ACSS3: variants seen among roughly 807,000 people sequenced by gnomAD.
ACSS3 encodes acyl-CoA synthetase short-chain family member 3, mitochondrial.
In ACSS3, 64 loss-of-function variants were observed where a neutral mutation model predicts 84.2. That is an observed-to-expected ratio of 0.76 (90% CI 0.62 to 0.94). The LOEUF is 0.94. Among genes scored for constraint, ACSS3 ranks in the 40% least tolerant of loss-of-function variants. ACSS3 has a pLI of 0.00. For synonymous variants in ACSS3, 317 were observed against 310.1 expected, an observed-to-expected ratio of 1.02 and a Z score of -0.23; for missense variants, 815 against 867.6, an observed-to-expected ratio of 0.94 and a Z score of 0.76.
chr12:81,221,901 T>C lies in ACSS3; in HGVS notation c.1514+1825T>C, dbSNP rs541164922. On this transcript the variant is annotated intron_variant, in intron 11 of 15. Coordinates refer to ENST00000548058, the MANE Select transcript of ACSS3 (RefSeq NM_024560.4). ...CTAACTTTGTGAGTCATCTATTTCA[T>C]AAAACAAGATCTCAGAGGTGGCATT... Among the ~76,000 whole-genome samples the C allele has an allele frequency of 3.3e-5, 5 of 152,248 alleles. No individual in the cohort carries two copies. The South Asian group carries it at 1.0e-3, about 32-fold the overall frequency.
chr12:81,093,344 T>C (rs1213108050), intron 1 of ACSS3, among the ~76,000 whole-genome samples: 1 of 151,662 alleles, frequency 6.6e-6, no homozygotes, highest in Non-Finnish European at 1.5e-5. Flanking sequence ...TCTCAGCTAC[T>C]CAGGAGGCTG....
At chr12:81,253,726 T>C (rs2034221820) in intron 15 of ACSS3, 56 bp downstream of exon 15, 2 of 1,556,442 alleles carry the variant, frequency 1.3e-6, no homozygotes, top group Non-Finnish European at 1.8e-6. Context: ...TTCATTTCTT[T>C]GGCATCAGCA....
chr12:81,158,328 A>T (rs1032733639), intron 7 of ACSS3: 1 of 153,710 alleles, frequency 6.5e-6, no homozygotes, highest in Admixed American at 6.6e-5. Flanking sequence ...CTAATCCCTT[A>T]TCTCCTGACA....
intron 13 of ACSS3, among the ~76,000 whole-genome samples, chr12:81,245,135 C>T (rs530240624): frequency 9.9e-5 from 15 of 152,204 alleles, no homozygotes; most frequent in African/African-American, 3.6e-4. Flanking sequence ...GGACTGTGAA[C>T]TTCATCAGTT....
intron 1 of ACSS3, among the ~76,000 whole-genome samples, chr12:81,102,469 G>A (rs1352953054): frequency 1.3e-5 from 2 of 152,134 alleles, no homozygotes; most frequent in East Asian, 3.9e-4. Context: ...GGGAGGGCAT[G>A]TGTGGCTTAA....
At chr12:81,169,507 A>T (rs888214745) in intron 7 of ACSS3, among the ~76,000 whole-genome samples, 5 of 152,136 alleles carry the variant, frequency 3.3e-5, no homozygotes, top group Admixed American at 3.3e-4. Context: ...GAAAGGGAAA[A>T]CATTGGAAAC....
intron 5 of ACSS3, 83 bp downstream of exon 5, chr12:81,143,330 T>TGCA (rs1886183298): frequency 7.4e-7 from 1 of 1,346,728 alleles, no homozygotes; most frequent in Non-Finnish European, 9.9e-7. Flanking sequence ...TGGAAATGTT[T>TGCA]GCAGACTTTA....
chr12:81,111,865 G>A (rs536774412), intron 2 of ACSS3, among the ~76,000 whole-genome samples: 1 of 152,246 alleles, frequency 6.6e-6, no homozygotes, highest in East Asian at 1.9e-4. Flanking sequence ...TGCAAACAAG[G>A]GGAATTTCAG....
intron 2 of ACSS3, among the ~76,000 whole-genome samples, chr12:81,133,017 A>C (rs55924813): frequency 0.35 from 53,449 of 151,926 alleles, 11,906 homozygotes; most frequent in Non-Finnish European, 0.5. Flanking sequence ...ACTTTGGTGT[A>C]TCTTTCTCAT....
intron 1 of ACSS3, among the ~76,000 whole-genome samples, chr12:81,081,910 G>T (rs1486903118): frequency 6.6e-6 from 1 of 152,146 alleles, no homozygotes; most frequent in Non-Finnish European, 1.5e-5. Flanking sequence ...TGAGATTAAG[G>T]TTGTTTAATC....
chr12:81,181,746 GCAAA>G lies in ACSS3; in HGVS notation c.1250+6808_1250+6811del, dbSNP rs1185706193. Reference sequence around the variant, plus strand: ...GAAGCCAAAGATTTCAATCAATTAAGCAAAAAAAAAAAAAAAAAAAAAGCAATAG... The same window carrying G: ...GAAGCCAAAGATTTCAATCAATTAAGAAAAAAAAAAAAAAAAAAGCAATAG... On this transcript the variant is annotated intron_variant, in intron 8 of 15. Coordinates refer to ENST00000548058, the MANE Select transcript of ACSS3 (RefSeq NM_024560.4). Among the ~76,000 whole-genome samples the G allele has an allele frequency of 3.5e-3, 25 of 7,178 alleles. 1 individual carries two copies. Among genetic ancestry groups the G allele is most frequent in the Admixed American group, 0.026 (16 of 626 alleles). The allele number at this position is 7,178 out of a possible 152,430, so 4.7% of individuals were successfully genotyped here. A position where few individuals can be genotyped will look rare whatever the true frequency, so the allele number is the denominator to read the frequency against.
At chr12:81,230,168 G>T (rs1320483055) in intron 11 of ACSS3, among the ~76,000 whole-genome samples, 3 of 151,790 alleles carry the variant, frequency 2.0e-5, no homozygotes, top group Non-Finnish European at 4.4e-5. Flanking sequence ...TGGGAGTGTA[G>T]GTTTTGAAAG....
intron 7 of ACSS3, among the ~76,000 whole-genome samples, chr12:81,171,798 T>C (rs1431655471): frequency 3.3e-5 from 5 of 152,200 alleles, no homozygotes; most frequent in African/African-American, 1.2e-4. Context: ...TTTATCACTT[T>C]GTGTACATCA....
chr12:81,157,037 C>T (rs1886910406), intron 7 of ACSS3, among the ~76,000 whole-genome samples: 1 of 149,748 alleles, frequency 6.7e-6, no homozygotes, highest in Non-Finnish European at 1.5e-5. Context: ...AAGTCAACGA[C>T]AAAAAAAAAT....
intron 1 of ACSS3, among the ~76,000 whole-genome samples, chr12:81,088,369 A>C (rs967736962): frequency 4.6e-5 from 7 of 152,050 alleles, no homozygotes; most frequent in African/African-American, 1.7e-4. Context: ...TTGAGGGGTA[A>C]ATAATAACTT....
intron 13 of ACSS3, among the ~76,000 whole-genome samples, chr12:81,238,436 T>A (rs1479817663): frequency 6.6e-6 from 1 of 151,854 alleles, no homozygotes. Flanking sequence ...TCTAATTTAT[T>A]CCTTAAATGG....
intron 2 of ACSS3, among the ~76,000 whole-genome samples, chr12:81,127,019 T>A (rs1340400631): frequency 6.6e-6 from 1 of 151,764 alleles, no homozygotes; most frequent in African/African-American, 2.4e-5. Flanking sequence ...AAATAAGTAT[T>A]CCTCTGTGTT....
intron 3 of ACSS3, among the ~76,000 whole-genome samples, chr12:81,137,437 G>T (rs1294083105): frequency 6.6e-6 from 1 of 151,842 alleles, no homozygotes; most frequent in Non-Finnish European, 1.5e-5. Context: ...CAGGTCAAAT[G>T]TAAGGAGAGA....
At position 81,257,740 on chromosome 12, in the gene ACSS3, C is replaced by T. The variant is rs1043725385; in HGVS notation, c.*2818C>T. On this transcript the variant is annotated 3_prime_UTR_variant, in exon 16 of 16. Coordinates refer to ENST00000548058, the MANE Select transcript of ACSS3 (RefSeq NM_024560.4). ...TGTGAAAATTTATAATGTTGATGAT[C>T]AAAAGTAACGTGTTGAGACTCTGAG... The T allele has an allele frequency of 1.3e-5, 2 of 151,830 alleles. No homozygotes were observed. Among genetic ancestry groups the T allele is most frequent in the South Asian group, 4.1e-4 (2 of 4,824 alleles). The allele number at this position is 151,830 out of a possible 1,614,324, so 9.4% of individuals were successfully genotyped here.
Sources: allele counts gnomAD v4.1 joint callset (sites outside exome capture counted in the v4.1 genomes callset), GRCh38; gene constraint gnomAD v4.1.1; transcripts MANE v1.5; gene names NCBI Gene and HGNC (gene_info 2026-07-23, HGNC 2026-07-21).